The following MYO19 variants were observed in gnomAD, a reference collection of about 807,000 sequenced individuals.
MYO19 encodes the protein myosin XIX, also known as unconventional myosin-XIX.
Under a neutral mutation model 129.2 loss-of-function variants are expected in MYO19, and 132 were observed. The observed-to-expected ratio is 1.02, with a 90% CI of 0.89 to 1.18. The LOEUF is 1.18. Among genes scored for constraint, MYO19 ranks in the 50% most tolerant of loss-of-function variants. The pLI is 0.00. For synonymous variants in MYO19, 531 were observed against 477.2 expected (o/e 1.11, Z -1.47); for missense variants, 1,210 against 1,216.7 (o/e 0.99, Z 0.08).
intron 19 of MYO19, 87 bp from the exon 20 acceptor site, chr17:36,504,107 C>G (rs1021043746): frequency 2.4e-5 from 27 of 1,117,628 alleles, no homozygotes; most frequent in Non-Finnish European, 3.3e-5. Context: ...CTTCTTAGAC[C>G]CTGGCCAGTG....
At chr17:36,515,314 G>C (rs1380574063) in intron 7 of MYO19, 132 bp from the exon 8 acceptor site, 1 of 699,402 alleles carries the variant, frequency 1.4e-6, no homozygotes, top group Non-Finnish European at 2.4e-6. Context: ...TGGTTTTCAT[G>C]TCATAGGGGA....
At chr17:36,527,515 G>A in intron 5 of MYO19, 36 bp downstream of exon 5, 3 of 1,602,662 alleles carry the variant, frequency 1.9e-6, no homozygotes, top group South Asian at 1.1e-5. Flanking sequence ...GGGAGGTAGA[G>A]GAGCCCTGAG....
rs1170050668 is a variant in MYO19, at chr17:36,512,419, C to T, written c.895-964G>A. ...AAAAAAAAAAAAAAGAAAAAACCAC[C>T]ACCCTCAGACCTGACACAGGGACCC... On this transcript the variant is annotated intron_variant, in intron 11 of 25. Coordinates refer to ENST00000614623, the MANE Select transcript of MYO19 (RefSeq NM_001163735.2). Among the ~76,000 whole-genome samples, 3 of 151,658 alleles carry T rather than the reference C, an allele frequency of 2.0e-5. No homozygotes were observed. The South Asian group carries it at 6.2e-4, about 32-fold the overall frequency.
chr17:36,496,305 C>T lies in MYO19; in HGVS notation c.2859G>A (p.Leu953=). 1.9e-6 allele frequency: 3 copies of T among 1,614,028 alleles called. No homozygotes were observed. The highest frequency in any genetic ancestry group is 2.5e-6 in the Non-Finnish European group (3 of 1,179,886). The part of the protein sequence containing the change: ...YSITGFNQIL[L]ERHRLIHVTS... ...TCACGTGGATCAGCCTGTGTCTTTC[C>T]AGCAGAATCTGATTAAAGCCTGTAA... The change falls in exon 26 of 26, where the codon CTG becomes CTA. Residue 953 remains leucine, a synonymous_variant. Transcript: ENST00000614623.
chr17:36,515,645 G>A (rs1033427006), intron 7 of MYO19, among the ~76,000 whole-genome samples: 1 of 152,206 alleles, frequency 6.6e-6, no homozygotes, highest in African/African-American at 2.4e-5. Context: ...GTGTGCCTAG[G>A]CTGGAGCGAG....
At chr17:36,503,466 G>A (rs1184194406) in intron 20 of MYO19, among the ~76,000 whole-genome samples, 1 of 152,224 alleles carries the variant, frequency 6.6e-6, no homozygotes, top group Non-Finnish European at 1.5e-5. Flanking sequence ...GTGTTAGCAG[G>A]GGATTTGCGG....
chr17:36,504,158 T>C, intron 19 of MYO19, 138 bp from the exon 20 acceptor site: 1 of 598,476 alleles, frequency 1.7e-6, no homozygotes, highest in African/African-American at 1.9e-5. Flanking sequence ...AATGGGGGTA[T>C]CTCCTTGGGG....
intron 14 of MYO19, chr17:36,508,739 C>G (rs1015328258): frequency 3.2e-6 from 1 of 316,046 alleles, no homozygotes; most frequent in Non-Finnish European, 5.9e-6. Context: ...CTCCAAAGTC[C>G]CTTCTAATAC....
upstream of MYO19, chr17:36,537,063 C>G (rs765903669): frequency 1.3e-6 from 2 of 1,521,110 alleles, no homozygotes; most frequent in Non-Finnish European, 1.8e-6. Flanking sequence ...CTGCTTTTCA[C>G]AAATCCATTC....
At chr17:36,508,935 C>G (rs1418135626) in intron 14 of MYO19, 127 bp downstream of exon 14, 2 of 759,644 alleles carry the variant, frequency 2.6e-6, no homozygotes, top group South Asian at 3.2e-5. Context: ...CAGGCAGATG[C>G]AAGAGGAGAC....
chr17:36,496,648 G>A (rs1317898878), intron 25 of MYO19, among the ~76,000 whole-genome samples: 1 of 152,130 alleles, frequency 6.6e-6, no homozygotes, highest in African/African-American at 2.4e-5. Flanking sequence ...AGCCAGAAGG[G>A]CAAAACATTT....
chr17:36,513,816 G>T, intron 9 of MYO19, 91 bp from the exon 10 acceptor site: 2 of 1,133,902 alleles, frequency 1.8e-6, no homozygotes, highest in Non-Finnish European at 2.5e-6. Flanking sequence ...TAAGAGGAGA[G>T]TTGGTAGCAA....
chr17:36,539,592 T>C (rs2074185196), upstream of MYO19, among the ~76,000 whole-genome samples: 1 of 138,316 alleles, frequency 7.2e-6, no homozygotes, highest in Admixed American at 7.3e-5. Flanking sequence ...TGGGAAACAG[T>C]GAGACCCTGT....
At chr17:36,527,912 T>C (rs1327322859) in intron 4 of MYO19, among the ~76,000 whole-genome samples, 152 bp downstream of exon 4, 1 of 152,226 alleles carries the variant, frequency 6.6e-6, no homozygotes, top group African/African-American at 2.4e-5. Context: ...GCAGCTGTCA[T>C]GCTCCCTCAG....
chr17:36,530,749 T>C (rs2073786929), intron 3 of MYO19, among the ~76,000 whole-genome samples: 1 of 152,028 alleles, frequency 6.6e-6, no homozygotes, highest in South Asian at 2.1e-4. Flanking sequence ...GCCACCCAAG[T>C]AACTGGGATC....
At chr17:36,505,268 C>T (rs1424172976) in intron 19 of MYO19, 29 bp downstream of exon 19, 15 of 1,593,706 alleles carry the variant, frequency 9.4e-6, no homozygotes, top group Non-Finnish European at 1.1e-5. Context: ...GGGTTTGGTG[C>T]GAAGCAGCTT....
chr17:36,502,602 T>A (rs914890895), intron 21 of MYO19, among the ~76,000 whole-genome samples: 1 of 151,840 alleles, frequency 6.6e-6, no homozygotes, highest in African/African-American at 2.4e-5. Flanking sequence ...CTGATAAGAG[T>A]CATTTGCTCC....
intron 6 of MYO19, among the ~76,000 whole-genome samples, chr17:36,522,603 C>T (rs1395299766): frequency 6.6e-6 from 1 of 152,114 alleles, no homozygotes; most frequent in African/African-American, 2.4e-5. Flanking sequence ...GGCGTGGTGG[C>T]TCATGCCTGT....
chr17:36,522,360 T>C (rs910050646), intron 6 of MYO19, among the ~76,000 whole-genome samples: 31 of 150,170 alleles, frequency 2.1e-4, no homozygotes, highest in Non-Finnish European at 7.4e-5. Flanking sequence ...ATACAAAAAT[T>C]AGCCGGGCCT....
Sources: gnomAD v4.1 joint callset for allele counts (sites outside exome capture counted in the v4.1 genomes callset) on GRCh38, gnomAD v4.1.1 for gene constraint, MANE v1.5 for transcripts, NCBI Gene and HGNC (gene_info 2026-07-23, HGNC 2026-07-21) for gene names.